GRM4: variants seen among roughly 807,000 people sequenced by gnomAD.
GRM4 encodes the protein glutamate metabotropic receptor 4, also known as metabotropic glutamate receptor 4.
Under a neutral mutation model 81.7 loss-of-function variants are expected in GRM4, and 28 were observed. The ratio of observed to expected loss-of-function variants is 0.34; its 90% CI spans 0.25 to 0.47. GRM4 has a LOEUF of 0.47. Among genes scored for constraint, GRM4 ranks in the 20% least tolerant of loss-of-function variants. The pLI is 1.00. For missense variants in GRM4, 948 were observed against 1,290.0 expected (o/e 0.73, Z 4.06); for synonymous variants, 488 against 528.8 (o/e 0.92, Z 1.06).
rs1763811754 is a variant in GRM4 at position 34,019,976 on chromosome 6, T to G, written c.*2845A>C. 1 of 152,320 alleles carries G rather than the reference T, an allele frequency of 6.6e-6. No individual in the cohort carries two copies. Among genetic ancestry groups the G allele is most frequent in the African/African-American group, 2.4e-5 (1 of 41,404 alleles). 9.4% of individuals were successfully genotyped at this position (152,320 alleles called of 1,614,324 possible). ...CAGCAGCACCCACCCTCCCAACTGC[T>G]GCAGCAGGTCTAGCTGGCAAAAGTC... On this transcript the variant is annotated 3_prime_UTR_variant, in exon 11 of 11. Coordinates refer to ENST00000538487, the MANE Select transcript of GRM4 (RefSeq NM_000841.4).
intron 9 of GRM4, among the ~76,000 whole-genome samples, chr6:34,032,801 A>C (rs1179767300): frequency 1.3e-5 from 2 of 152,004 alleles, no homozygotes; most frequent in African/African-American, 4.8e-5. Flanking sequence ...ACATCTGGAG[A>C]CTGGAGAGCC....
intron 9 of GRM4, among the ~76,000 whole-genome samples, chr6:34,032,870 G>A (rs781511643): frequency 8.5e-4 from 129 of 152,278 alleles, no homozygotes; most frequent in Non-Finnish European, 1.3e-3. Flanking sequence ...GGCAGCCAGG[G>A]GGAAATATGG....
exon 1 of GRM4, chr6:34,155,326 A>G: frequency 4.6e-6 from 7 of 1,521,694 alleles, no homozygotes; most frequent in Non-Finnish European, 6.1e-6. Flanking sequence ...GCAGAGGCGT[A>G]GAGGGGAGCA....
chr6:34,059,484 C>T lies in GRM4; in HGVS notation c.873-356G>A, dbSNP rs1254865100. The T allele has an allele frequency of 9.3e-6, 3 of 323,966 alleles. No homozygotes were observed. Among genetic ancestry groups the T allele is most frequent in the Non-Finnish European group, 1.8e-5 (3 of 170,316 alleles). The allele number at this position is 323,966 out of a possible 1,614,324, so 20.1% of individuals were successfully genotyped here. On this transcript the variant is annotated intron_variant, in intron 4 of 10. Coordinates refer to ENST00000538487, the MANE Select transcript of GRM4 (RefSeq NM_000841.4). The surrounding 1 kb of genome is among the most constrained non-coding windows in gnomAD (Gnocchi z 5.7). ...GGCCCCACAACCACCTCTGCCCAGC[C>T]CCGGTCCCCTGAGACGCATGCCTTC...
chr6:34,122,625 G>A (rs930079580), intron 2 of GRM4, among the ~76,000 whole-genome samples: 1 of 145,296 alleles, frequency 6.9e-6, no homozygotes, highest in Non-Finnish European at 1.5e-5. Context: ...GGGGGGTGGG[G>A]GGGGCAGCTA....
At chr6:34,101,679 C>T (rs999614566) in intron 2 of GRM4, among the ~76,000 whole-genome samples, 2 of 152,220 alleles carry the variant, frequency 1.3e-5, no homozygotes, top group African/African-American at 2.4e-5. Context: ...GTGGCCCACT[C>T]GTCTCCAACA....
chr6:34,103,475 C>A (rs1481394394), intron 2 of GRM4: 11 of 861,210 alleles, frequency 1.3e-5, no homozygotes, highest in Non-Finnish European at 1.7e-5. Context: ...ATAAGAGCGC[C>A]CGAGAGAGCA....
chr6:34,073,978 A>G (rs1767173254), intron 3 of GRM4, among the ~76,000 whole-genome samples: 1 of 152,150 alleles, frequency 6.6e-6, no homozygotes, highest in South Asian at 2.1e-4. Context: ...TGGCACGGCT[A>G]TTCATGGAGC....
intron 2 of GRM4, among the ~76,000 whole-genome samples, chr6:34,132,103 G>A (rs888784552): frequency 4.6e-5 from 7 of 152,182 alleles, no homozygotes; most frequent in Non-Finnish European, 7.3e-5. Flanking sequence ...GCAGCTTAGC[G>A]AAGCACTTGG....
chr6:34,037,861 CAAA>C (rs34369343), intron 8 of GRM4, among the ~76,000 whole-genome samples: 46,115 of 115,778 alleles, frequency 0.4, 10,420 homozygotes, highest in African/African-American at 0.7. Context: ...GATTCCGTCT[CAAA>C]AAAAAAAAAA....
At position 34,069,647 on chromosome 6, in the gene GRM4, A is replaced by AGTGTGTGT. The variant is rs3222082; in HGVS notation, c.737-7627_737-7620dup. Among the ~76,000 whole-genome samples the AGTGTGTGT allele has an allele frequency of 3.7e-3, 539 of 144,466 alleles. 4 individuals carry two copies. The highest frequency in any genetic ancestry group is 0.01 in the Middle Eastern group (3 of 288). The allele number at this position is 144,466 out of a possible 152,430, so 94.8% of individuals were successfully genotyped here. A position where few individuals can be genotyped will look rare whatever the true frequency, so the allele number is the denominator to read the frequency against. ...GGCTTTACAACCCTTGGCAGCCCCCAGTGTGTGTGTGTGTGTGTGTGTGTG... is the reference window on the plus strand; with the variant it reads ...GGCTTTACAACCCTTGGCAGCCCCCAGTGTGTGTGTGTGTGTGTGTGTGTGTGTGTGTG... On this transcript the variant is annotated intron_variant, in intron 3 of 10. Transcript: ENST00000538487. This position sits in a 1 kb window ranked among gnomAD's most constrained non-coding sequence, Gnocchi z 6.4.
chr6:34,093,756 G>A (rs946988886), intron 2 of GRM4, among the ~76,000 whole-genome samples: 2 of 152,162 alleles, frequency 1.3e-5, no homozygotes, highest in African/African-American at 2.4e-5. Flanking sequence ...CAAAAGCATG[G>A]CCCAGCTCGG....
In GRM4 at chr6:34,036,273, T is replaced by G. The variant is rs1361488673; in HGVS notation, c.1837A>C (p.Asn613His). 8 of 1,614,088 alleles carry G rather than the reference T, an allele frequency of 5.0e-6. No homozygotes were observed. The South Asian group carries it at 8.8e-5, about 18-fold the overall frequency. The change falls in exon 9 of 11, where the codon AAC becomes CAC. Residue 613 changes from asparagine to histidine, a missense_variant. Asn to His is a moderately conservative substitution (Grantham distance 68). Transcript: ENST00000538487. This position sits in a 1 kb window ranked among gnomAD's most constrained non-coding sequence, Gnocchi z 9.0. ...GAGGCCTTGACGATGGGCGTGTCGT[T>G]GTAGCGCACAAAGGTGATCACCACG... ...LFVVITFVRYNDTPIVKASGR... is the reference protein window; with the variant it reads ...LFVVITFVRYHDTPIVKASGR...
chr6:34,152,732 G>A lies in GRM4; in HGVS notation c.312+2347C>T, dbSNP rs1771070424. ...TAATTCCCTCCTGGGACATCAGAATGAGGGTAGAAAAGAATCTTTAATTCA... is the reference window on the plus strand; with the variant it reads ...TAATTCCCTCCTGGGACATCAGAATAAGGGTAGAAAAGAATCTTTAATTCA... On this transcript the variant is annotated intron_variant, in intron 1 of 8. Coordinates refer to the GRM4 transcript ENST00000374177. This position sits in a 1 kb window ranked among gnomAD's most constrained non-coding sequence, Gnocchi z 4.1. Among the ~76,000 whole-genome samples, 1 of 152,196 alleles carries A rather than the reference G, an allele frequency of 6.6e-6. No individual in the cohort carries two copies. Among genetic ancestry groups the A allele is most frequent in the South Asian group, 2.1e-4 (1 of 4,826 alleles).
In GRM4 at chr6:34,040,230, T is replaced by G; in HGVS notation, c.1454A>C (p.Asp485Ala). The change falls in exon 8 of 11, where the codon GAT (aspartate) becomes GCT (alanine). Residue 485 changes from aspartate to alanine, a missense_variant. Physicochemically the swap from Asp to Ala is moderately radical, Grantham distance 126 (BLOSUM62 -2). Coordinates refer to ENST00000538487, the MANE Select transcript of GRM4 (RefSeq NM_000841.4). ...YDIYQYQLRN[D>A]SAEYKVIGSW... ...GCCAATGACCTTGTACTCGGCAGAA[T>G]CGTTGCGCAGCTGGTATTGGTAGAT... 2 of 1,614,124 alleles carry G rather than the reference T, an allele frequency of 1.2e-6. No individual in the cohort carries two copies. The highest frequency in any genetic ancestry group is 1.7e-6 in the Non-Finnish European group (2 of 1,179,974).
intron 3 of GRM4, among the ~76,000 whole-genome samples, chr6:34,071,712 G>GCACACACA (rs1766881912): frequency 2.2e-5 from 2 of 90,834 alleles, no homozygotes; most frequent in African/African-American, 8.4e-5. Flanking sequence ...TACACACCAT[G>GCACACACA]CACACACATC....
intron 2 of GRM4, among the ~76,000 whole-genome samples, chr6:34,109,105 A>G (rs540354068): frequency 6.6e-6 from 1 of 152,154 alleles, no homozygotes; most frequent in African/African-American, 2.4e-5. Context: ...AGGCCCATCA[A>G]TGCCAAAGAT....
At chr6:34,117,866 C>T (rs1769659007) in intron 2 of GRM4, among the ~76,000 whole-genome samples, 2 of 152,206 alleles carry the variant, frequency 1.3e-5, no homozygotes, top group Admixed American at 1.3e-4. Flanking sequence ...ATAGATGCAG[C>T]CAGGTAAGCA....
At chr6:34,023,432 GAAAT>G (rs1403760920) in intron 10 of GRM4, among the ~76,000 whole-genome samples, 1 of 152,162 alleles carries the variant, frequency 6.6e-6, no homozygotes, top group Admixed American at 6.5e-5. Context: ...AGGGACAGAG[GAAAT>G]AAATAATGAA....
Sources: gnomAD v4.1 joint callset for allele counts (sites outside exome capture counted in the v4.1 genomes callset) on GRCh38, gnomAD v4.1.1 for gene constraint, Gnocchi (gnomAD v3.1) non-coding constraint, MANE v1.5 for transcripts, NCBI Gene and HGNC (gene_info 2026-07-23, HGNC 2026-07-21) for gene names.